CDKL5: variants seen among roughly 807,000 people sequenced by gnomAD.
CDKL5 encodes cyclin dependent kinase like 5, also known as cyclin-dependent kinase-like 5.
A neutral mutation model predicts 61.7 loss-of-function variants in CDKL5; 8 were observed. The ratio of observed to expected loss-of-function variants is 0.13; its 90% CI spans 0.08 to 0.23. The LOEUF (loss-of-function observed/expected upper bound fraction) is 0.23, where lower values mean the gene tolerates loss of function less well. CDKL5 is among the 10% of genes least tolerant of loss of function. CDKL5 has a pLI of 1.00. For missense variants in CDKL5, 440 were observed against 734.5 expected (o/e 0.60, Z 4.63); for synonymous variants, 275 against 272.3 (o/e 1.01, Z -0.10).
chrX:18,456,120 A>G (rs935980314), intron 1 of CDKL5, among the ~76,000 whole-genome samples: 1 of 108,169 alleles, frequency 9.2e-6, no homozygotes, highest in African/African-American at 3.4e-5. Context: ...GCTCACTGCA[A>G]TCTCCGCCTC....
chrX:18,436,664 C>G (rs1381606491), intron 1 of CDKL5, among the ~76,000 whole-genome samples: 4 of 110,012 alleles, frequency 3.6e-5, no homozygotes, highest in Non-Finnish European at 7.6e-5. Context: ...CTTTGGGAGG[C>G]TGAGGCAGGC....
intron 11 of CDKL5, among the ~76,000 whole-genome samples, chrX:18,603,333 G>A (rs1926237685): frequency 8.9e-6 from 1 of 111,826 alleles, no homozygotes; most frequent in African/African-American, 3.3e-5. Flanking sequence ...TTTTTAGAGG[G>A]TCATTTTCTT....
intron 1 of CDKL5, among the ~76,000 whole-genome samples, chrX:18,448,304 G>T (rs1303225870): frequency 9.0e-6 from 1 of 111,638 alleles, no homozygotes; most frequent in Non-Finnish European, 1.9e-5. Flanking sequence ...CTACTTGAAA[G>T]TCTGCACTGG....
At position 18,447,271 on chromosome X, in the gene CDKL5, A is replaced by G. The variant is rs897283703; in HGVS notation, c.-163+21576A>G. 1.5e-4 allele frequency among the ~76,000 whole-genome samples: 17 copies of G among 111,106 alleles called. No individual in the cohort carries two copies. In the Admixed American group the frequency reaches 1.5e-3, roughly 10 times the overall value. On this transcript the variant is annotated intron_variant, in intron 1 of 17. Transcript: ENST00000623535. The stretch of plus-strand genomic sequence containing the variant: ...GGTTGAGTAATGTTGCTGCATCCTC[A>G]GGGTCTCACTTTTGACTCCTTCGTT...
In CDKL5 at chrX:18,472,569, G is replaced by A. The variant is rs182995253; in HGVS notation, c.-162-34366G>A. On this transcript the variant is annotated intron_variant, in intron 1 of 17. Coordinates refer to ENST00000623535, the MANE Select transcript of CDKL5 (RefSeq NM_001323289.2). ...CACTCTAGCAATAATGAATAAAAGG[G>A]GATGACCTTTTTCAGGAGATCTAAA... 4.4e-3 allele frequency among the ~76,000 whole-genome samples: 488 copies of A among 111,527 alleles called. 2 individuals carry two copies. The Middle Eastern group carries it at 0.047, about 11-fold the overall frequency.
In CDKL5 at chrX:18,504,726, G is replaced by T. The variant is rs12014685; in HGVS notation, c.-162-2209G>T. On this transcript the variant is annotated intron_variant, in intron 1 of 17. Transcript: ENST00000623535. ...ACGGGCGGATCACGAGGTCAGGAGA[G>T]CGAGACCATCCTGGCTAACACGGTG... Among the ~76,000 whole-genome samples, 912 of 109,755 alleles carry T rather than the reference G, an allele frequency of 8.3e-3. 4 individuals are homozygous for T. Among genetic ancestry groups the T allele is most frequent in the Middle Eastern group, 0.047 (10 of 214 alleles).
intron 3 of CDKL5, among the ~76,000 whole-genome samples, chrX:18,532,670 A>G (rs1485570518): frequency 1.8e-5 from 2 of 111,740 alleles, no homozygotes; most frequent in Admixed American, 9.5e-5. Context: ...ATAGAGGACA[A>G]TTTGGCTAAA....
At chrX:18,615,082 A>C (rs1329909627) in intron 15 of CDKL5, among the ~76,000 whole-genome samples, 3 of 112,307 alleles carry the variant, frequency 2.7e-5, no homozygotes, top group Admixed American at 9.4e-5. Flanking sequence ...GAGAGGCTCA[A>C]TTGGGATGTT....
In CDKL5 at chrX:18,604,370, C is replaced by T. The variant is rs372655753; in HGVS notation, c.1446C>T (p.Tyr482=). The part of the protein sequence containing the change: ...TIPQSSRSPS[Y]RTKAKSHGAL... ...CCCAGTCCTCTAGGAGTCCCTCCTA[C>T]AGGACCAAGGCCAAAAGCCATGGGG... The change falls in exon 12 of 18, where the codon TAC becomes TAT. Residue 482 remains tyrosine, a synonymous_variant. Coordinates refer to ENST00000623535, the MANE Select transcript of CDKL5 (RefSeq NM_001323289.2). 3 of 1,207,224 alleles carry T rather than the reference C, an allele frequency of 2.5e-6. No individual in the cohort carries two copies. The highest frequency in any genetic ancestry group is 3.5e-5 in the South Asian group (2 of 56,624).
chrX:18,533,012 G>T (rs1239143662), intron 3 of CDKL5, among the ~76,000 whole-genome samples: 1 of 111,423 alleles, frequency 9.0e-6, no homozygotes, highest in Non-Finnish European at 1.9e-5. Context: ...TGATTAAAAT[G>T]AATATTTGTC....
chrX:18,618,339 G>T (rs149393256), intron 15 of CDKL5, among the ~76,000 whole-genome samples: 2 of 111,601 alleles, frequency 1.8e-5, no homozygotes, highest in Non-Finnish European at 3.8e-5. Context: ...TTTCATAAAC[G>T]TATAATTCTT....
At chrX:18,648,294 T>G (rs974704983) in intron 20 of CDKL5, among the ~76,000 whole-genome samples, 14 of 109,605 alleles carry the variant, frequency 1.3e-4, no homozygotes, top group African/African-American at 4.6e-4. Context: ...TAGGCTGCAG[T>G]GCGGTGCTGC....
intron 3 of CDKL5, among the ~76,000 whole-genome samples, chrX:18,555,859 TC>T (rs1289045045): frequency 8.9e-6 from 1 of 112,351 alleles, no homozygotes; most frequent in Non-Finnish European, 1.9e-5. Context: ...ACGCTCTTTT[TC>T]TTTGGTATAG....
chrX:18,442,456 C>T (rs1260642476), intron 1 of CDKL5: 1 of 109,427 alleles, frequency 9.1e-6, no homozygotes, highest in African/African-American at 3.3e-5. Flanking sequence ...CAACTGGTTG[C>T]TCTGTTGGTT....
In CDKL5 at chrX:18,638,134, CT is replaced by C. The variant is rs1927450943; in HGVS notation, c.*9378del. On this transcript the variant is annotated 3_prime_UTR_variant, in exon 18 of 18. Coordinates refer to ENST00000623535, the MANE Select transcript of CDKL5 (RefSeq NM_001323289.2). The stretch of plus-strand genomic sequence containing the variant: ...AGGGTCACTTTAGGGGTGCAATCTT[CT>C]GGGCTCTGAGAATGGATTCACAGCA... 1 of 111,521 alleles carries C rather than the reference CT, an allele frequency of 9.0e-6. No individual in the cohort carries two copies. 9.2% of individuals were successfully genotyped at this position (111,521 alleles called of 1,213,427 possible). A position where few individuals can be genotyped will look rare whatever the true frequency, so the allele number is the denominator to read the frequency against.
intron 3 of CDKL5, among the ~76,000 whole-genome samples, chrX:18,552,000 G>A (rs1465006700): frequency 9.1e-6 from 1 of 109,937 alleles, no homozygotes; most frequent in Non-Finnish European, 1.9e-5. Flanking sequence ...AGCACTTTGG[G>A]AGGCCGAGGC....
At chrX:18,444,960 G>A (rs1048286983) in intron 1 of CDKL5, among the ~76,000 whole-genome samples, 1 of 111,417 alleles carries the variant, frequency 9.0e-6, no homozygotes, top group East Asian at 2.8e-4. Context: ...GGTTCACTGC[G>A]TCTAGAGAGG....
downstream of CDKL5, among the ~76,000 whole-genome samples, chrX:18,645,051 G>A (rs1018237969): frequency 1.8e-5 from 2 of 112,129 alleles, no homozygotes; most frequent in African/African-American, 6.5e-5. Context: ...GTTTCCCTCG[G>A]TTGGTGACAT....
chrX:18,548,562 C>T (rs1382971332), intron 3 of CDKL5, among the ~76,000 whole-genome samples: 1 of 112,600 alleles, frequency 8.9e-6, no homozygotes, highest in Non-Finnish European at 1.9e-5. Context: ...TGGCAAAACG[C>T]TGTGACTTGG....
Sources: gnomAD v4.1 joint callset for allele counts (sites outside exome capture counted in the v4.1 genomes callset) on GRCh38, gnomAD v4.1.1 for gene constraint, MANE v1.5 for transcripts, NCBI Gene and HGNC (gene_info 2026-07-23, HGNC 2026-07-21) for gene names.